PCDHB13: variants seen among roughly 807,000 people sequenced by gnomAD.
PCDHB13 encodes protocadherin beta 13, also known as protocadherin beta-13.
For synonymous variants in PCDHB13, 515 were observed against 450.7 expected, an observed-to-expected ratio of 1.14 and a Z score of -1.81; for missense variants, 1,065 against 1,016.7, an observed-to-expected ratio of 1.05 and a Z score of -0.65.
In PCDHB13 at chr5:141,216,819, G is replaced by T; in HGVS notation, c.*299G>T. ...TTAGCTGAACTTCACCCACTATTAT[G>T]CTTATGGTAAAATTAAATAGAGCAA... On this transcript the variant is annotated 3_prime_UTR_variant, in exon 1 of 1. Transcript: ENST00000341948. 1 of 414,066 alleles carries T rather than the reference G, an allele frequency of 2.4e-6. No individual in the cohort carries two copies. Among genetic ancestry groups the T allele is most frequent in the Non-Finnish European group, 4.6e-6 (1 of 217,886 alleles). 25.6% of individuals were successfully genotyped at this position (414,066 alleles called of 1,614,324 possible). A position where few individuals can be genotyped will look rare whatever the true frequency, so the allele number is the denominator to read the frequency against.
rs1212822747 is a variant in PCDHB13 at position 141,215,180 on chromosome 5, T to G, written c.1057T>G (p.Phe353Val). The change falls in exon 1 of 1, where the codon TTT becomes GTT. Residue 353 changes from phenylalanine to valine, a missense_variant. By Grantham distance (50) the Phe-to-Val change is conservative. Coordinates refer to ENST00000341948, the MANE Select transcript of PCDHB13 (RefSeq NM_018933.4). ...DHAPEVTMSA[F>V]TSPIPENAPE... is the part of the protein sequence containing the mutation. ...TGCCCCAGAAGTTACCATGTCTGCA[T>G]TTACCAGCCCAATACCTGAGAACGC... 6.2e-7 allele frequency: 1 copy of G among 1,614,038 alleles called. No homozygotes were observed. The highest frequency in any genetic ancestry group is 8.5e-7 in the Non-Finnish European group (1 of 1,180,040).
Position 141,216,219 on chromosome 5 carries a change from C to G in PCDHB13, c.2096C>G (p.Ser699Trp), listed in dbSNP as rs182769524. The G allele has an allele frequency of 6.2e-7, 1 of 1,612,790 alleles. No individual in the cohort carries two copies. Among genetic ancestry groups the G allele is most frequent in the Non-Finnish European group, 8.5e-7 (1 of 1,179,896 alleles). ...YLVVALASVS[S>W]LFLFSVLLFV... ...GTGGTGGCGTTGGCCTCGGTGTCTT[C>G]GCTCTTCCTCTTTTCGGTGCTCCTG... The change falls in exon 1 of 1, where the codon TCG becomes TGG. Residue 699 changes from serine (S) to tryptophan (W), a missense_variant. Ser to Trp is a radical substitution (Grantham distance 177, BLOSUM62 -3). Transcript: ENST00000341948.
In PCDHB13 at chr5:141,215,673, G is replaced by A. The variant is rs1754582278; in HGVS notation, c.1550G>A (p.Arg517Lys). 2.5e-6 allele frequency: 4 copies of A among 1,613,286 alleles called. No individual in the cohort carries two copies. The highest frequency in any genetic ancestry group is 2.5e-6 in the Non-Finnish European group (3 of 1,179,994). Residue 517 changes from arginine to lysine, a missense_variant, in exon 1 of 1, where the codon AGG becomes AAG. Physicochemically the swap from Arg to Lys is conservative, Grantham distance 26. Coordinates refer to ENST00000341948, the MANE Select transcript of PCDHB13 (RefSeq NM_018933.4). ...NADNGHLFAL[R>K]SLDYEALQGF... is the part of the protein sequence containing the mutation. ...GACAACGGCCACCTGTTCGCCCTCA[G>A]GTCTCTGGACTACGAGGCCCTGCAG...
chr5:141,215,788 C>A lies in PCDHB13; in HGVS notation c.1665C>A (p.Asn555Lys), dbSNP rs377408073. 11 of 1,611,558 alleles carry A rather than the reference C, an allele frequency of 6.8e-6. No homozygotes were observed. The highest frequency in any genetic ancestry group is 9.3e-6 in the Non-Finnish European group (11 of 1,179,708). Residue 555 changes from asparagine (N) to lysine (K), a missense_variant, in exon 1 of 1, where the codon AAC (asparagine) becomes AAA (lysine). Asn to Lys is a moderately conservative substitution (Grantham distance 94, BLOSUM62 0). Transcript: ENST00000341948. ...TGCGCGTGGTGGTGCTGGACGCCAACGACAACTCGCCCTTCGTGCTGTACC... is the reference window on the plus strand; with the variant it reads ...TGCGCGTGGTGGTGCTGGACGCCAAAGACAACTCGCCCTTCGTGCTGTACC... ...ALVRVVVLDA[N>K]DNSPFVLYPL...
rs1250865699 is a variant in PCDHB13 at position 141,216,247 on chromosome 5, C to A, written c.2124C>A (p.Phe708Leu). ...TCTTCCTCTTTTCGGTGCTCCTGTT[C>A]GTGGCGGTGCGGCTGTGTAGGAGGA... ...SSLFLFSVLL[F>L]VAVRLCRRSR... Residue 708 changes from phenylalanine (F) to leucine (L), a missense_variant, in exon 1 of 1, where the codon TTC (phenylalanine) becomes TTA (leucine). Coordinates refer to ENST00000341948, the MANE Select transcript of PCDHB13 (RefSeq NM_018933.4). The A allele has an allele frequency of 1.9e-6, 3 of 1,613,434 alleles. No homozygotes were observed. In the African/African-American group the frequency reaches 4.0e-5, roughly 22 times the overall value.
rs199669344 is a variant in PCDHB13 at position 141,215,172 on chromosome 5, T to A, written c.1049T>A (p.Met350Lys). Residue 350 changes from methionine to lysine, a missense_variant, in exon 1 of 1, where the codon ATG (methionine) becomes AAG (lysine). By Grantham distance (95) the Met-to-Lys change is moderately conservative (BLOSUM62 -1). Coordinates refer to ENST00000341948, the MANE Select transcript of PCDHB13 (RefSeq NM_018933.4). ...DVNDHAPEVTMSAFTSPIPEN... is the reference protein window; with the variant it reads ...DVNDHAPEVTKSAFTSPIPEN... ...AACGACCATGCCCCAGAAGTTACCA[T>A]GTCTGCATTTACCAGCCCAATACCT... 31 of 1,614,090 alleles carry A rather than the reference T, an allele frequency of 1.9e-5. No individual in the cohort carries two copies. Among genetic ancestry groups the A allele is most frequent in the Non-Finnish European group, 2.6e-5 (31 of 1,180,044 alleles).
In PCDHB13 at chr5:141,215,654, G is replaced by A. The variant is rs147725011; in HGVS notation, c.1531G>A (p.Gly511Ser). ...TSLVSINADN[G>S]HLFALRSLDY... is the part of the protein sequence containing the mutation. Reference sequence around the variant, plus strand: ...CCTGGTCTCCATCAACGCGGACAACGGCCACCTGTTCGCCCTCAGGTCTCT... The same window carrying A: ...CCTGGTCTCCATCAACGCGGACAACAGCCACCTGTTCGCCCTCAGGTCTCT... The change falls in exon 1 of 1, where the codon GGC becomes AGC. Residue 511 changes from glycine to serine, a missense_variant. Coordinates refer to ENST00000341948, the MANE Select transcript of PCDHB13 (RefSeq NM_018933.4). The A allele has an allele frequency of 3.0e-5, 48 of 1,613,450 alleles. No individual in the cohort carries two copies. The African/African-American group carries it at 6.1e-4, about 21-fold the overall frequency.
In PCDHB13 at chr5:141,214,802, G is replaced by C; in HGVS notation, c.679G>C (p.Ala227Pro). ...TGGCTCTCCGCCCAGATCTGGCACT[G>C]CTCAGGTCTACATCGAAGTCCTGGA... is the stretch of plus-strand genomic sequence containing the variant. ...DGGSPPRSGT[A>P]QVYIEVLDVN... The change falls in exon 1 of 1, where the codon GCT (alanine) becomes CCT (proline). Residue 227 changes from alanine to proline, a missense_variant. Ala to Pro is a conservative substitution (Grantham distance 27, BLOSUM62 -1). Coordinates refer to ENST00000341948, the MANE Select transcript of PCDHB13 (RefSeq NM_018933.4). 1 of 1,614,226 alleles carries C rather than the reference G, an allele frequency of 6.2e-7. No homozygotes were observed.
In PCDHB13 at chr5:141,216,133, C is replaced by G; in HGVS notation, c.2010C>G (p.Tyr670Ter). Residue 670 changes from tyrosine to a stop codon, truncating the protein, a stop_gained, in exon 1 of 1, where the codon TAC becomes TAG. Transcript: ENST00000341948. LOFTEE classifies it low-confidence loss of function (END_TRUNC). ...TGGTGGACGGCTTCTCCCAGCCCTA[C>G]CTGCCTCTCCCGGAGGCGGCCCCGA... ...VLLVDGFSQP[Y>*]LPLPEAAPTQ... 6.2e-7 allele frequency: 1 copy of G among 1,610,606 alleles called. No homozygotes were observed. Among genetic ancestry groups the G allele is most frequent in the Middle Eastern group, 2.0e-4 (1 of 4,986 alleles).
rs782223164 is a variant in PCDHB13, at chr5:141,215,686, C to T, written c.1563C>T (p.Tyr521=). The T allele has an allele frequency of 1.2e-6, 2 of 1,613,062 alleles. No individual in the cohort carries two copies. Among genetic ancestry groups the T allele is most frequent in the Non-Finnish European group, 1.7e-6 (2 of 1,179,934 alleles). The change falls in exon 1 of 1, where the codon TAC becomes TAT. Residue 521 remains tyrosine, a synonymous_variant. Coordinates refer to ENST00000341948, the MANE Select transcript of PCDHB13 (RefSeq NM_018933.4). ...TGTTCGCCCTCAGGTCTCTGGACTA[C>T]GAGGCCCTGCAGGGGTTCCAGTTCC... ...GHLFALRSLD[Y]EALQGFQFRV... is the part of the protein sequence containing the mutation.
At position 141,216,254 on chromosome 5, in the gene PCDHB13, G is replaced by C. The variant is rs200697243; in HGVS notation, c.2131G>C (p.Val711Leu). 3 of 1,613,460 alleles carry C rather than the reference G, an allele frequency of 1.9e-6. No individual in the cohort carries two copies. In the African/African-American group the frequency reaches 4.0e-5, roughly 22 times the overall value. Residue 711 changes from valine to leucine, a missense_variant, in exon 1 of 1, where the codon GTG becomes CTG. Coordinates refer to ENST00000341948, the MANE Select transcript of PCDHB13 (RefSeq NM_018933.4). ...FLFSVLLFVA[V>L]RLCRRSRAAS... ...CTTTTCGGTGCTCCTGTTCGTGGCG[G>C]TGCGGCTGTGTAGGAGGAGCAGGGC...
Position 141,215,827 on chromosome 5 carries a change from C to T in PCDHB13, c.1704C>T (p.Gly568=), listed in dbSNP as rs1303093127. The T allele has an allele frequency of 5.6e-6, 9 of 1,610,324 alleles. No homozygotes were observed. In the African/African-American group the frequency reaches 9.4e-5, roughly 17 times the overall value. ...TCGTGCTGTACCCGCTGCAGAACGG[C>T]TCCGCGCCCTGCACCGAGCTGGTGC... ...SPFVLYPLQN[G]SAPCTELVPR... is the part of the protein sequence containing the mutation. The change falls in exon 1 of 1, where the codon GGC becomes GGT. Residue 568 remains glycine, a synonymous_variant. Transcript: ENST00000341948.
rs1554287886 is a variant in PCDHB13, at chr5:141,215,381, A to G, written c.1258A>G (p.Thr420Ala). The G allele has an allele frequency of 1.5e-5, 24 of 1,614,120 alleles. No individual in the cohort carries two copies. The highest frequency in any genetic ancestry group is 1.9e-5 in the Non-Finnish European group (23 of 1,180,026). Residue 420 changes from threonine to alanine, a missense_variant, in exon 1 of 1, where the codon ACT becomes GCT. Physicochemically the swap from Thr to Ala is moderately conservative, Grantham distance 58. Coordinates refer to ENST00000341948, the MANE Select transcript of PCDHB13 (RefSeq NM_018933.4). ...AGAAAGCAGAGCGGAATACAACATC[A>G]CTATCACTGTCACTGACTTGGGGAC... is the stretch of plus-strand genomic sequence containing the variant. ...DRESRAEYNITITVTDLGTPM... is the reference protein window; with the variant it reads ...DRESRAEYNIAITVTDLGTPM...
At position 141,215,395 on chromosome 5, in the gene PCDHB13, T is replaced by A. The variant is rs1344549740; in HGVS notation, c.1272T>A (p.Thr424=). The A allele has an allele frequency of 6.2e-7, 1 of 1,614,188 alleles. No homozygotes were observed. The highest frequency in any genetic ancestry group is 8.5e-7 in the Non-Finnish European group (1 of 1,180,036). The change falls in exon 1 of 1, where the codon ACT becomes ACA. Residue 424 remains threonine, a synonymous_variant. Transcript: ENST00000341948. ...AATACAACATCACTATCACTGTCACTGACTTGGGGACCCCTATGCTGATAA... is the reference window on the plus strand; with the variant it reads ...AATACAACATCACTATCACTGTCACAGACTTGGGGACCCCTATGCTGATAA... ...RAEYNITITV[T]DLGTPMLITQ...
rs1554287813 is a variant in PCDHB13 at position 141,215,192 on chromosome 5, A to G, written c.1069A>G (p.Ile357Val). ...TACCATGTCTGCATTTACCAGCCCA[A>G]TACCTGAGAACGCGCCTGAAACTGT... ...EVTMSAFTSP[I>V]PENAPETVVA... Residue 357 changes from isoleucine (I) to valine (V), a missense_variant, in exon 1 of 1, where the codon ATA becomes GTA. Coordinates refer to ENST00000341948, the MANE Select transcript of PCDHB13 (RefSeq NM_018933.4). The G allele has an allele frequency of 2.5e-6, 4 of 1,614,012 alleles. No individual in the cohort carries two copies. In the African/African-American group the frequency reaches 5.3e-5, roughly 22 times the overall value.
At position 141,216,626 on chromosome 5, in the gene PCDHB13, T is replaced by C. The variant is rs782386347; in HGVS notation, c.*106T>C. On this transcript the variant is annotated 3_prime_UTR_variant, in exon 1 of 1. Coordinates refer to ENST00000341948, the MANE Select transcript of PCDHB13 (RefSeq NM_018933.4). The stretch of plus-strand genomic sequence containing the variant: ...TATGTAATATTGTACGGATTTACTC[T>C]TGATTTTTCTCATGTTCTTTCTCCC... 2.0e-6 allele frequency: 2 copies of C among 999,278 alleles called. No individual in the cohort carries two copies. Among genetic ancestry groups the C allele is most frequent in the Admixed American group, 1.7e-5 (1 of 58,738 alleles). 61.9% of individuals were successfully genotyped at this position (999,278 alleles called of 1,614,324 possible). A position where few individuals can be genotyped will look rare whatever the true frequency, so the allele number is the denominator to read the frequency against.
In PCDHB13 at chr5:141,214,974, A is replaced by T. The variant is rs1563986171; in HGVS notation, c.851A>T (p.Gln284Leu). Residue 284 changes from glutamine to leucine, a missense_variant, in exon 1 of 1, where the codon CAA becomes CTA. Coordinates refer to ENST00000341948, the MANE Select transcript of PCDHB13 (RefSeq NM_018933.4). The part of the protein sequence containing the change: ...VNGEISYSLF[Q>L]ASEEIGKTFK... ...GGAGAGATTTCCTATTCACTTTTCC[A>T]AGCTTCAGAAGAGATTGGCAAAACC... 6.2e-7 allele frequency: 1 copy of T among 1,614,184 alleles called. No individual in the cohort carries two copies.
At position 141,215,276 on chromosome 5, in the gene PCDHB13, T is replaced by C. The variant is rs782733145; in HGVS notation, c.1153T>C (p.Ser385Pro). ...AGGAGAAAATGGGAAAATTAGTTGCTCCATTCAGGAGGATCTACCCTTCCT... is the reference window on the plus strand; with the variant it reads ...AGGAGAAAATGGGAAAATTAGTTGCCCCATTCAGGAGGATCTACCCTTCCT... ...DSGENGKISC[S>P]IQEDLPFLLK... Residue 385 changes from serine to proline, a missense_variant, in exon 1 of 1, where the codon TCC becomes CCC. Transcript: ENST00000341948. The C allele has an allele frequency of 2.5e-5, 41 of 1,613,846 alleles. 1 individual carries two copies. The South Asian group carries it at 2.9e-4, about 11-fold the overall frequency.
At position 141,216,356 on chromosome 5, in the gene PCDHB13, C is replaced by G. The variant is rs1754614339; in HGVS notation, c.2233C>G (p.Leu745Val). The change falls in exon 1 of 1, where the codon CTA becomes GTA. Residue 745 changes from leucine (L) to valine (V), a missense_variant. Coordinates refer to ENST00000341948, the MANE Select transcript of PCDHB13 (RefSeq NM_018933.4). ...HLVDMSGTRT[L>V]SQSYQYEVCL... ...TGTGGACATGAGCGGCACCAGGACC[C>G]TATCCCAGAGCTACCAGTATGAGGT... 2 of 1,614,090 alleles carry G rather than the reference C, an allele frequency of 1.2e-6. No homozygotes were observed. Among genetic ancestry groups the G allele is most frequent in the East Asian group, 2.2e-5 (1 of 44,884 alleles).
Sources: allele counts gnomAD v4.1 joint callset, GRCh38; gene constraint gnomAD v4.1.1; transcripts MANE v1.5; gene names NCBI Gene and HGNC (gene_info 2026-07-23, HGNC 2026-07-21).